The following CNTNAP2 variants were observed in gnomAD, a reference collection of about 807,000 sequenced individuals.
The protein encoded by CNTNAP2 is contactin-associated protein-like 2.
CNTNAP2 carries 98 observed loss-of-function variants against 155.2 expected under a neutral mutation model. That is an observed-to-expected ratio of 0.63 (90% CI 0.54 to 0.75). The LOEUF is 0.75. Ranked by LOEUF, CNTNAP2 falls within the 30% of genes least tolerant of loss-of-function variation. The probability of loss-of-function intolerance (pLI) is 0.00; values close to 1 mark genes in which losing one functional copy is unlikely to be tolerated. For missense variants in CNTNAP2, 1,727 were observed against 1,688.1 expected, an observed-to-expected ratio of 1.02 and a Z score of -0.40; for synonymous variants, 651 against 631.2, an observed-to-expected ratio of 1.03 and a Z score of -0.47.
rs1312829630 is a variant in CNTNAP2, at chr7:146,371,223, TAGG to T, written c.97+254253_97+254255del. On this transcript the variant is annotated intron_variant, in intron 1 of 23. Transcript: ENST00000361727. ...CTTGCAAAATGTTAAATAATGGTGA[TAGG>T]AGCCTCAATAATGAGGCTTTTGCTA... 3.9e-5 allele frequency among the ~76,000 whole-genome samples: 6 copies of T among 152,178 alleles called. No homozygotes were observed. In the East Asian group the frequency reaches 1.2e-3, roughly 29 times the overall value.
At chr7:146,628,300 G>C (rs1247803609) in intron 1 of CNTNAP2, among the ~76,000 whole-genome samples, 1 of 152,072 alleles carries the variant, frequency 6.6e-6, no homozygotes, top group Non-Finnish European at 1.5e-5. Context: ...AGAGCACCTT[G>C]TTTATCATAT....
intron 1 of CNTNAP2, among the ~76,000 whole-genome samples, chr7:146,378,698 C>T (rs889291114): frequency 6.6e-6 from 1 of 152,142 alleles, no homozygotes; most frequent in Non-Finnish European, 1.5e-5. Context: ...ATACATGTTA[C>T]AAGCACTGGG....
At chr7:146,764,639 G>A (rs997425770) in intron 1 of CNTNAP2, among the ~76,000 whole-genome samples, 2 of 152,062 alleles carry the variant, frequency 1.3e-5, no homozygotes, top group Non-Finnish European at 2.9e-5. Context: ...TGCTACAGCT[G>A]TTAAATGTCC....
chr7:146,894,760 T>C (rs1795843109), intron 3 of CNTNAP2, among the ~76,000 whole-genome samples: 1 of 152,162 alleles, frequency 6.6e-6, no homozygotes, highest in Non-Finnish European at 1.5e-5. Flanking sequence ...TGGTGTTTCA[T>C]GTAGGTTAAC....
intron 1 of CNTNAP2, among the ~76,000 whole-genome samples, chr7:146,685,723 AT>A (rs1436515291): frequency 6.7e-6 from 1 of 148,486 alleles, no homozygotes; most frequent in East Asian, 2.0e-4. Flanking sequence ...TTCTAGGTGA[AT>A]TAGAAAAAAA....
chr7:146,552,322 A>G (rs919632824), intron 1 of CNTNAP2, among the ~76,000 whole-genome samples: 3 of 152,134 alleles, frequency 2.0e-5, no homozygotes, highest in African/African-American at 7.2e-5. Context: ...CTCTGACTCA[A>G]TACAATTTCA....
chr7:147,596,988 G>A (rs1800837218), intron 12 of CNTNAP2, among the ~76,000 whole-genome samples: 1 of 142,860 alleles, frequency 7.0e-6, no homozygotes, highest in Non-Finnish European at 1.5e-5. Flanking sequence ...GAAGGGAGGA[G>A]TCCTCAGTTC....
intron 21 of CNTNAP2, among the ~76,000 whole-genome samples, chr7:148,312,790 G>A (rs529326077): frequency 6.6e-6 from 1 of 152,092 alleles, no homozygotes; most frequent in Non-Finnish European, 1.5e-5. Flanking sequence ...GCTGTGGGAT[G>A]GGATATTGGC....
At chr7:146,616,017 T>G (rs796651804) in intron 1 of CNTNAP2, among the ~76,000 whole-genome samples, 22 of 152,334 alleles carry the variant, frequency 1.4e-4, no homozygotes, top group African/African-American at 4.8e-4. Flanking sequence ...GTTAGAATTT[T>G]AGTATGACAA....
In CNTNAP2 at chr7:148,283,315, GGAA is replaced by G. The variant is rs1563024837; in HGVS notation, c.3475+16191_3475+16193del. ...AGAAAGAAAGAAAGAAAGGAAGGAAGGAAGGAAAGAAAGAAAGAATTCTTATTA... is the reference window on the plus strand; with the variant it reads ...AGAAAGAAAGAAAGAAAGGAAGGAAGGGAAAGAAAGAAAGAATTCTTATTA... On this transcript the variant is annotated intron_variant, in intron 21 of 23. Coordinates refer to ENST00000361727, the MANE Select transcript of CNTNAP2 (RefSeq NM_014141.6). 6.9e-4 allele frequency among the ~76,000 whole-genome samples: 43 copies of G among 62,426 alleles called. 2 individuals are homozygous for G. The highest frequency in any genetic ancestry group is 3.1e-3 in the African/African-American group (42 of 13,746). 41.0% of individuals were successfully genotyped at this position (62,426 alleles called of 152,430 possible).
intron 1 of CNTNAP2, among the ~76,000 whole-genome samples, chr7:146,311,232 G>T (rs1800815453): frequency 1.3e-5 from 2 of 152,054 alleles, no homozygotes; most frequent in South Asian, 2.1e-4. Context: ...AAGTATATAC[G>T]TCTATCTGTT....
chr7:147,660,742 C>T (rs1795596286), intron 13 of CNTNAP2, among the ~76,000 whole-genome samples: 2 of 152,106 alleles, frequency 1.3e-5, no homozygotes, highest in Admixed American at 1.3e-4. Context: ...AAAGACAAGG[C>T]CTATTAAAGA....
chr7:146,751,573 A>G (rs1269363612), intron 1 of CNTNAP2, among the ~76,000 whole-genome samples: 1 of 152,192 alleles, frequency 6.6e-6, no homozygotes, highest in East Asian at 1.9e-4. Flanking sequence ...GAGGCTACTA[A>G]ATCTTACATT....
At chr7:148,028,948 A>G (rs2116458720) in intron 15 of CNTNAP2, among the ~76,000 whole-genome samples, 1 of 152,302 alleles carries the variant, frequency 6.6e-6, no homozygotes, top group African/African-American at 2.4e-5. Flanking sequence ...GACAATTGGG[A>G]GAAAATTACG....
chr7:146,971,652 A>G (rs1797800755), intron 3 of CNTNAP2, among the ~76,000 whole-genome samples: 1 of 152,112 alleles, frequency 6.6e-6, no homozygotes, highest in Non-Finnish European at 1.5e-5. Context: ...TTTTCTGTGC[A>G]GATTGCCAAC....
At chr7:148,211,144 A>T (rs561491249) in intron 18 of CNTNAP2, among the ~76,000 whole-genome samples, 3 of 152,192 alleles carry the variant, frequency 2.0e-5, no homozygotes, top group Admixed American at 1.3e-4. Flanking sequence ...GAGAGTGATC[A>T]TTCTGGGCAA....
intron 8 of CNTNAP2, among the ~76,000 whole-genome samples, chr7:147,154,619 C>T (rs1801888308): frequency 6.6e-6 from 1 of 152,070 alleles, no homozygotes; most frequent in Non-Finnish European, 1.5e-5. Context: ...TCAGGAAAGG[C>T]ATGGCAGCTG....
chr7:147,706,982 G>A (rs1309698732), intron 13 of CNTNAP2, among the ~76,000 whole-genome samples: 1 of 151,604 alleles, frequency 6.6e-6, no homozygotes, highest in Non-Finnish European at 1.5e-5. Flanking sequence ...TTTCTGTTTG[G>A]TCCTTTTCTG....
intron 8 of CNTNAP2, among the ~76,000 whole-genome samples, chr7:147,287,018 T>C (rs1805194669): frequency 6.6e-6 from 1 of 152,160 alleles, no homozygotes; most frequent in Admixed American, 6.6e-5. Flanking sequence ...TCAGTGACAC[T>C]TGTTACGGCA....
Sources: gnomAD v4.1 joint callset for allele counts (sites outside exome capture counted in the v4.1 genomes callset) on GRCh38, gnomAD v4.1.1 for gene constraint, MANE v1.5 for transcripts, NCBI Gene and HGNC (gene_info 2026-07-23, HGNC 2026-07-21) for gene names.